GALNT10: variants seen among roughly 807,000 people sequenced by gnomAD.
GALNT10 encodes GalNAc transferase 10.
Under a neutral mutation model 75.0 loss-of-function variants are expected in GALNT10, and 41 were observed. That is an observed-to-expected ratio of 0.55 (90% confidence interval 0.43 to 0.71). The LOEUF (loss-of-function observed/expected upper bound fraction) is 0.71. Among genes scored for constraint, GALNT10 ranks in the 30% least tolerant of loss-of-function variants. The pLI is 0.00. For missense variants in GALNT10, 727 were observed against 818.5 expected (o/e 0.89, Z 1.36); for synonymous variants, 302 against 313.0 (o/e 0.96, Z 0.37).
intron 4 of GALNT10, among the ~76,000 whole-genome samples, chr5:154,363,573 G>A (rs1755424793): frequency 6.8e-6 from 1 of 146,092 alleles, no homozygotes; most frequent in Non-Finnish European, 1.5e-5. Context: ...TTTAGGTCCT[G>A]CCCAGTCTGC....
chr5:154,285,155 C>T (rs917928933), intron 1 of GALNT10, among the ~76,000 whole-genome samples: 2 of 152,122 alleles, frequency 1.3e-5, no homozygotes, highest in Non-Finnish European at 2.9e-5. Flanking sequence ...AAATACTTAT[C>T]TTCCTAGAGT....
intron 1 of GALNT10, among the ~76,000 whole-genome samples, chr5:154,267,871 A>C (rs1203585442): frequency 6.6e-6 from 1 of 152,148 alleles, no homozygotes. Context: ...GTGAAACTTG[A>C]CACCTCTAGT....
intron 4 of GALNT10, among the ~76,000 whole-genome samples, chr5:154,357,762 T>A (rs1755318817): frequency 6.6e-6 from 1 of 152,026 alleles, no homozygotes; most frequent in Admixed American, 6.6e-5. Flanking sequence ...GCGCTGGAAG[T>A]GTGTGAGCCC....
intron 4 of GALNT10, among the ~76,000 whole-genome samples, chr5:154,370,740 T>G (rs1235285666): frequency 6.6e-6 from 1 of 152,152 alleles, no homozygotes; most frequent in African/African-American, 2.4e-5. Context: ...ATTGAAGGGT[T>G]TAAATTTAAG....
At chr5:154,345,210 A>G (rs193065769) in intron 4 of GALNT10, among the ~76,000 whole-genome samples, 36 of 152,282 alleles carry the variant, frequency 2.4e-4, no homozygotes, top group Admixed American at 1.4e-3. Flanking sequence ...AAGGTGTACA[A>G]TGTGATGATC....
rs776663263 is a variant in GALNT10, at chr5:154,409,636, C to T, written c.1260C>T (p.Val420=). 7 of 1,612,790 alleles carry T rather than the reference C, an allele frequency of 4.3e-6. No homozygotes were observed. The South Asian group carries it at 4.4e-5, about 10-fold the overall frequency. ...PEYRHLSAGD[V]AVQKKLRSSL... ...ACCGCCACCTCTCCGCTGGGGATGT[C>T]GCAGTCCAGAAAAAGCTCCGCAGCT... The change falls in exon 9 of 12, where the codon GTC becomes GTT. Residue 420 remains valine (V), a synonymous_variant. Coordinates refer to ENST00000297107, the MANE Select transcript of GALNT10 (RefSeq NM_198321.4). This position sits in a 1 kb window ranked among gnomAD's most constrained non-coding sequence, Gnocchi z 4.5.
intron 4 of GALNT10, among the ~76,000 whole-genome samples, chr5:154,370,890 T>A (rs918186813): frequency 3.9e-5 from 6 of 152,298 alleles, no homozygotes; most frequent in African/African-American, 1.4e-4. Context: ...CAGACCAGGC[T>A]CAGCAGAGGC....
chr5:154,313,317 A>G (rs568826480), intron 3 of GALNT10, among the ~76,000 whole-genome samples: 32 of 152,234 alleles, frequency 2.1e-4, no homozygotes, highest in African/African-American at 7.7e-4. Flanking sequence ...AAAAAAAAAA[A>G]AAGGTACTGT....
intron 4 of GALNT10, among the ~76,000 whole-genome samples, chr5:154,357,082 G>C: frequency 6.6e-6 from 1 of 151,442 alleles, no homozygotes; most frequent in Non-Finnish European, 1.5e-5. Context: ...GATTTTTTTT[G>C]CTTTTAAAGG....
chr5:154,231,239 G>T (rs1036633369), intron 1 of GALNT10, among the ~76,000 whole-genome samples: 1 of 152,178 alleles, frequency 6.6e-6, no homozygotes, highest in Non-Finnish European at 1.5e-5. Context: ...TTCCAAGTTG[G>T]TATAATGCAT....
chr5:154,273,955 T>C (rs900760952), intron 1 of GALNT10, among the ~76,000 whole-genome samples: 1 of 152,216 alleles, frequency 6.6e-6, no homozygotes, highest in Non-Finnish European at 1.5e-5. Context: ...CAGAGATCCA[T>C]TGAATGTAGT....
Position 154,412,796 on chromosome 5 carries a change from G to A in GALNT10, c.1387-93G>A. 2 of 844,656 alleles carry A rather than the reference G, an allele frequency of 2.4e-6. No homozygotes were observed. The highest frequency in any genetic ancestry group is 2.1e-6 in the Non-Finnish European group (1 of 486,458). The allele number at this position is 844,656 out of a possible 1,614,324, so 52.3% of individuals were successfully genotyped here. A position where few individuals can be genotyped will look rare whatever the true frequency, so the allele number is the denominator to read the frequency against. On this transcript the variant is annotated intron_variant, in intron 9 of 11. Transcript: ENST00000297107. The surrounding 1 kb of genome is among the most constrained non-coding windows in gnomAD (Gnocchi z 4.2). Reference sequence around the variant, plus strand: ...CGATTTGAAGGTTAATCCAGCTAATGTCTCCCACTTGGTTTCCCCTTTCAC... The same window carrying A: ...CGATTTGAAGGTTAATCCAGCTAATATCTCCCACTTGGTTTCCCCTTTCAC...
Position 154,194,040 on chromosome 5 carries a change from G to C in GALNT10, c.159+3015G>C, listed in dbSNP as rs150467460. ...CAAGCCCCAATCTGTTTAACATCTT[G>C]GTTTAATTCAACAGTCTGTTTCATA... On this transcript the variant is annotated intron_variant, in intron 1 of 11. Coordinates refer to ENST00000297107, the MANE Select transcript of GALNT10 (RefSeq NM_198321.4). Among the ~76,000 whole-genome samples the C allele has an allele frequency of 1.2e-4, 18 of 152,288 alleles. No homozygotes were observed. In the East Asian group the frequency reaches 2.9e-3, roughly 25 times the overall value.
At chr5:154,193,859 C>G (rs1384174655) in intron 1 of GALNT10, among the ~76,000 whole-genome samples, 1 of 152,206 alleles carries the variant, frequency 6.6e-6, no homozygotes, top group Non-Finnish European at 1.5e-5. Context: ...ACCTCTGGAG[C>G]TGGGTGGGAT....
In GALNT10 at chr5:154,417,229, G is replaced by T; in HGVS notation, c.*257G>T. ...CTGCTTTAATCCCTGCTGACATCACGGAAAAGCAACAGAGCCTTTTCAACT... is the reference window on the plus strand; with the variant it reads ...CTGCTTTAATCCCTGCTGACATCACTGAAAAGCAACAGAGCCTTTTCAACT... On this transcript the variant is annotated 3_prime_UTR_variant, in exon 12 of 12. Coordinates refer to ENST00000297107, the MANE Select transcript of GALNT10 (RefSeq NM_198321.4). The T allele has an allele frequency of 2.2e-6, 1 of 448,626 alleles. No individual in the cohort carries two copies. Among genetic ancestry groups the T allele is most frequent in the Non-Finnish European group, 4.0e-6 (1 of 248,418 alleles). 27.8% of individuals were successfully genotyped at this position (448,626 alleles called of 1,614,324 possible).
At chr5:154,366,120 C>T (rs1755470277) in intron 4 of GALNT10, among the ~76,000 whole-genome samples, 1 of 152,208 alleles carries the variant, frequency 6.6e-6, no homozygotes, top group Non-Finnish European at 1.5e-5. Flanking sequence ...GTTGCCAGCC[C>T]TGTCTGTTAG....
At chr5:154,398,951 G>A (rs368201573) in intron 7 of GALNT10, among the ~76,000 whole-genome samples, 4 of 152,126 alleles carry the variant, frequency 2.6e-5, no homozygotes, top group Non-Finnish European at 5.9e-5. Flanking sequence ...GGTGTTTCTC[G>A]TCCTTCTGCA....
At chr5:154,347,521 C>T (rs1267796257) in intron 4 of GALNT10, among the ~76,000 whole-genome samples, 3 of 151,930 alleles carry the variant, frequency 2.0e-5, no homozygotes, top group African/African-American at 7.3e-5. Context: ...CACCACCACA[C>T]CCAGCTAATT....
intron 1 of GALNT10, among the ~76,000 whole-genome samples, chr5:154,287,913 T>A (rs62381154): frequency 0.094 from 13,862 of 148,012 alleles, 674 homozygotes; most frequent in African/African-American, 0.13. Context: ...TGTGTGTGTG[T>A]GAGAGAGAGA....
Sources: gnomAD v4.1 joint callset for allele counts (sites outside exome capture counted in the v4.1 genomes callset) on GRCh38, gnomAD v4.1.1 for gene constraint, Gnocchi (gnomAD v3.1) non-coding constraint, MANE v1.5 for transcripts, NCBI Gene and HGNC (gene_info 2026-07-23, HGNC 2026-07-21) for gene names.